The following CD37 variants were observed in gnomAD, a reference collection of about 807,000 sequenced individuals.
CD37 encodes the protein CD37 molecule.
CD37 carries 37 observed loss-of-function variants against 38.9 expected under a neutral mutation model. The ratio of observed to expected loss-of-function variants is 0.95; its 90% CI spans 0.73 to 1.25. The LOEUF (loss-of-function observed/expected upper bound fraction) is 1.25, where lower values mean the gene tolerates loss of function less well. Among genes scored for constraint, CD37 ranks in the 50% most tolerant of loss-of-function variants. The pLI is 0.00. For synonymous variants in CD37, 146 were observed against 150.1 expected (o/e 0.97, Z 0.20); for missense variants, 351 against 360.1 (o/e 0.97, Z 0.20).
At chr19:49,337,836 G>A (rs1280768793) in intron 4 of CD37, 89 bp from the exon 5 acceptor site, 1 of 1,588,586 alleles carries the variant, frequency 6.3e-7, no homozygotes, top group African/African-American at 1.3e-5. Context: ...GCCCAGAGAT[G>A]CACAGGGCCC....
intron 4 of CD37, 93 bp from the exon 5 acceptor site, chr19:49,337,832 A>G: frequency 6.3e-6 from 10 of 1,587,006 alleles, no homozygotes; most frequent in Non-Finnish European, 7.7e-6. Flanking sequence ...ACTGGCCCAG[A>G]GATGCACAGG....
chr19:49,340,502 G>A lies in CD37; in HGVS notation c.*174G>A, dbSNP rs80061951. 7.4e-3 allele frequency: 4,775 copies of A among 648,456 alleles called. 102 individuals are homozygous for A. Among genetic ancestry groups the A allele is most frequent in the African/African-American group, 0.053 (2,994 of 56,144 alleles). 40.2% of individuals were successfully genotyped at this position (648,456 alleles called of 1,614,324 possible). ...TGCTGTCACCTCTCCCACGGGACCT[G>A]GGGCTTTCGTCCACAGCTTCCTGTC... On this transcript the variant is annotated 3_prime_UTR_variant, in exon 8 of 8. Transcript: ENST00000323906.
rs756651146 is a variant in CD37 at position 49,340,128 on chromosome 19, C to T, written c.769-123C>T. The T allele has an allele frequency of 3.9e-6, 6 of 1,537,782 alleles. No individual in the cohort carries two copies. In the South Asian group the frequency reaches 5.7e-5, roughly 15 times the overall value. On this transcript the variant is annotated intron_variant, in intron 7 of 7. Transcript: ENST00000323906. ...AGCCCCGCCCTTTTCTACCTATCCC[C>T]TTCTCCAGCCCCTTCCCGCCCAATT...
chr19:49,339,335 C>T lies in CD37; in HGVS notation c.690C>T (p.Cys230=), dbSNP rs1414697608. ...CTTTTCCCTACACCCCCCAGGGCTGCGCGCAGGGCCTCCAGAAGTGGCTGC... is the reference window on the plus strand; with the variant it reads ...CTTTTCCCTACACCCCCCAGGGCTGTGCGCAGGGCCTCCAGAAGTGGCTGC... The part of the protein sequence containing the change: ...PAESHIYREG[C]AQGLQKWLHN... Residue 230 remains cysteine (C), a synonymous_variant, in exon 7 of 8, where the codon TGC becomes TGT. Transcript: ENST00000323906. This position sits in a 1 kb window ranked among gnomAD's most constrained non-coding sequence, Gnocchi z 4.5. 13 of 1,613,594 alleles carry T rather than the reference C, an allele frequency of 8.1e-6. No individual in the cohort carries two copies. The South Asian group carries it at 1.1e-4, about 14-fold the overall frequency.
Position 49,339,918 on chromosome 19 carries a change from C to T in CD37, c.769-333C>T, listed in dbSNP as rs1270639249. On this transcript the variant is annotated intron_variant, in intron 7 of 7. Transcript: ENST00000323906. The surrounding 1 kb of genome is among the most constrained non-coding windows in gnomAD (Gnocchi z 4.5). ...GGGTTCAAGACGAGGACCAGCCTGA[C>T]ACTGGAAGTGCGGGCGCAGAATTAG... 3 of 1,363,768 alleles carry T rather than the reference C, an allele frequency of 2.2e-6. No homozygotes were observed. Among genetic ancestry groups the T allele is most frequent in the Non-Finnish European group, 9.5e-7 (1 of 1,054,414 alleles). The allele number at this position is 1,363,768 out of a possible 1,614,324, so 84.5% of individuals were successfully genotyped here. A position where few individuals can be genotyped will look rare whatever the true frequency, so the allele number is the denominator to read the frequency against.
In CD37 at chr19:49,335,421, T is replaced by C. The variant is rs887136532; in HGVS notation, c.-120T>C. ...CTGGAACTTCCTCTTTTGGGGTTCT[T>C]CCTTTCTCTCTCAGCTCTCCGTCTC... On this transcript the variant is annotated 5_prime_UTR_variant, in exon 1 of 8. Transcript: ENST00000323906. The surrounding 1 kb of genome is among the most constrained non-coding windows in gnomAD (Gnocchi z 4.6). The C allele has an allele frequency of 2.6e-6, 2 of 780,952 alleles. No individual in the cohort carries two copies. The highest frequency in any genetic ancestry group is 2.4e-5 in the East Asian group (1 of 40,952). The allele number at this position is 780,952 out of a possible 1,614,324, so 48.4% of individuals were successfully genotyped here. A position where few individuals can be genotyped will look rare whatever the true frequency, so the allele number is the denominator to read the frequency against.
rs1488601151 is a variant in CD37, at chr19:49,335,422, CCTTT to C, written c.-116_-113del. ...TGGAACTTCCTCTTTTGGGGTTCTTCCTTTCTCTCTCAGCTCTCCGTCTCTCTTT... is the reference window on the plus strand; with the variant it reads ...TGGAACTTCCTCTTTTGGGGTTCTTCCTCTCTCAGCTCTCCGTCTCTCTTT... On this transcript the variant is annotated 5_prime_UTR_variant, in exon 1 of 8. Coordinates refer to ENST00000323906, the MANE Select transcript of CD37 (RefSeq NM_001774.3). The surrounding 1 kb of genome is among the most constrained non-coding windows in gnomAD (Gnocchi z 4.6). The C allele has an allele frequency of 3.8e-6, 3 of 785,722 alleles. No homozygotes were observed. The highest frequency in any genetic ancestry group is 3.5e-5 in the African/African-American group (2 of 57,888). The allele number at this position is 785,722 out of a possible 1,614,324, so 48.7% of individuals were successfully genotyped here. A position where few individuals can be genotyped will look rare whatever the true frequency, so the allele number is the denominator to read the frequency against.
At position 49,339,253 on chromosome 19, in the gene CD37, T is replaced by C. The variant is rs1971094538; in HGVS notation, c.685-77T>C. On this transcript the variant is annotated intron_variant, in intron 6 of 7. Coordinates refer to ENST00000323906, the MANE Select transcript of CD37 (RefSeq NM_001774.3). This position sits in a 1 kb window ranked among gnomAD's most constrained non-coding sequence, Gnocchi z 4.5. ...GGTAGATGCCTGAAGACGGTGAGGG[T>C]TGGCCTGAAAAGAACGCTGGGCCTG... The C allele has an allele frequency of 1.5e-6, 2 of 1,321,978 alleles. No homozygotes were observed. The highest frequency in any genetic ancestry group is 1.8e-5 in the Admixed American group (1 of 57,086). The allele number at this position is 1,321,978 out of a possible 1,614,324, so 81.9% of individuals were successfully genotyped here.
chr19:49,339,537 CT>C lies in CD37; in HGVS notation c.768+125del. On this transcript the variant is annotated intron_variant, in intron 7 of 7. Coordinates refer to ENST00000323906, the MANE Select transcript of CD37 (RefSeq NM_001774.3). This position sits in a 1 kb window ranked among gnomAD's most constrained non-coding sequence, Gnocchi z 4.5. ...GGGCGGAGCGCAGCCCACCCCGGCCCTCCCGCCGCTCCACCCAGCACCGGAG... is the reference window on the plus strand; with the variant it reads ...GGGCGGAGCGCAGCCCACCCCGGCCCCCCGCCGCTCCACCCAGCACCGGAG... The C allele has an allele frequency of 6.8e-7, 1 of 1,469,288 alleles. No individual in the cohort carries two copies. The highest frequency in any genetic ancestry group is 9.1e-7 in the Non-Finnish European group (1 of 1,094,552). 91.0% of individuals were successfully genotyped at this position (1,469,288 alleles called of 1,614,324 possible). A position where few individuals can be genotyped will look rare whatever the true frequency, so the allele number is the denominator to read the frequency against.
intron 7 of CD37, 97 bp from the exon 8 acceptor site, chr19:49,340,151 ATTC>A: frequency 7.3e-6 from 11 of 1,511,312 alleles, no homozygotes; most frequent in East Asian, 2.3e-5. Context: ...TTCCCGCCCA[ATTC>A]ACGGCCCCAC....
In CD37 at chr19:49,339,846, G is replaced by A; in HGVS notation, c.769-405G>A. The A allele has an allele frequency of 7.5e-7, 1 of 1,331,770 alleles. No homozygotes were observed. Among genetic ancestry groups the A allele is most frequent in the South Asian group, 1.7e-5 (1 of 60,240 alleles). The allele number at this position is 1,331,770 out of a possible 1,614,324, so 82.5% of individuals were successfully genotyped here. ...GTGCCTGCCCCAACTGGGGAGACAA[G>A]GCACCGCAGGGCAAGCTGCCCATGG... is the stretch of plus-strand genomic sequence containing the variant. On this transcript the variant is annotated intron_variant, in intron 7 of 7. Coordinates refer to ENST00000323906, the MANE Select transcript of CD37 (RefSeq NM_001774.3). This position sits in a 1 kb window ranked among gnomAD's most constrained non-coding sequence, Gnocchi z 4.5.
Position 49,338,040 on chromosome 19 carries a change from C to T in CD37, c.447+11C>T, listed in dbSNP as rs769983912. The T allele has an allele frequency of 2.5e-6, 4 of 1,613,046 alleles. No individual in the cohort carries two copies. The highest frequency in any genetic ancestry group is 1.1e-5 in the South Asian group (1 of 90,996). On this transcript the variant is annotated intron_variant, in intron 5 of 7. Coordinates refer to ENST00000323906, the MANE Select transcript of CD37 (RefSeq NM_001774.3). The surrounding 1 kb of genome is among the most constrained non-coding windows in gnomAD (Gnocchi z 5.0). ...TATGTGCAGTTCCAGGTAAGCCCCCCTCCTCCAGTTCCCTCCCGGACTGAC... is the reference window on the plus strand; with the variant it reads ...TATGTGCAGTTCCAGGTAAGCCCCCTTCCTCCAGTTCCCTCCCGGACTGAC...
Position 49,339,040 on chromosome 19 carries a change from A to G in CD37, c.684+104A>G. On this transcript the variant is annotated intron_variant, in intron 6 of 7. Transcript: ENST00000323906. The surrounding 1 kb of genome is among the most constrained non-coding windows in gnomAD (Gnocchi z 4.5). Reference sequence around the variant, plus strand: ...CCTGAGAAAGGGCGGGGTCTACGAGAAAAGGAAAGGTACGGCAGGAGGGGC... The same window carrying G: ...CCTGAGAAAGGGCGGGGTCTACGAGGAAAGGAAAGGTACGGCAGGAGGGGC... The G allele has an allele frequency of 1.0e-6, 1 of 974,308 alleles. No individual in the cohort carries two copies. Among genetic ancestry groups the G allele is most frequent in the Non-Finnish European group, 1.6e-6 (1 of 634,752 alleles). The allele number at this position is 974,308 out of a possible 1,614,324, so 60.4% of individuals were successfully genotyped here. A position where few individuals can be genotyped will look rare whatever the true frequency, so the allele number is the denominator to read the frequency against.
chr19:49,336,979 C>T lies in CD37; in HGVS notation c.213C>T (p.Ile71=), dbSNP rs780073603. The part of the protein sequence containing the change: ...LAISGIFTMG[I]ALLGCVGALK... ...TCTCAGGAATCTTCACCATGGGCAT[C>T]GCCCTCCTGGGTTGTGTGGGGGCCC... Residue 71 remains isoleucine (I), a synonymous_variant, in exon 3 of 8, where the codon ATC becomes ATT. Coordinates refer to ENST00000323906, the MANE Select transcript of CD37 (RefSeq NM_001774.3). The T allele has an allele frequency of 6.2e-6, 10 of 1,614,074 alleles. No individual in the cohort carries two copies. The East Asian group carries it at 6.7e-5, about 11-fold the overall frequency.
In CD37 at chr19:49,339,303, CCTTTAA is replaced by C; in HGVS notation, c.685-22_685-17del. ...GGGCTTGAGAGTCCCAGAAAGAATC[CCTTTAA>C]CTTTTCCCTACACCCCCCAGGGCTG... On this transcript the variant is annotated intron_variant, in intron 6 of 7. Coordinates refer to ENST00000323906, the MANE Select transcript of CD37 (RefSeq NM_001774.3). The surrounding 1 kb of genome is among the most constrained non-coding windows in gnomAD (Gnocchi z 4.5). The C allele has an allele frequency of 6.3e-7, 1 of 1,599,962 alleles. No individual in the cohort carries two copies. Among genetic ancestry groups the C allele is most frequent in the African/African-American group, 1.3e-5 (1 of 74,672 alleles).
Position 49,335,560 on chromosome 19 carries a change from G to A in CD37, c.20G>A (p.Cys7Tyr), listed in dbSNP as rs1970918948. The change falls in exon 1 of 8, where the codon TGC becomes TAC. Residue 7 changes from cysteine to tyrosine, a missense_variant. Transcript: ENST00000323906. This position sits in a 1 kb window ranked among gnomAD's most constrained non-coding sequence, Gnocchi z 4.6. ...GTGAAGATGTCAGCCCAGGAGAGCT[G>A]CCTCAGCCTCATCAAGTACTTCCTC... MSAQES[C>Y]LSLIKYFLFV... 6.2e-7 allele frequency: 1 copy of A among 1,613,992 alleles called. No homozygotes were observed.
At chr19:49,337,092 G>A in intron 3 of CD37, 55 bp from the exon 4 acceptor site, 1 of 1,614,038 alleles carries the variant, frequency 6.2e-7, no homozygotes, top group Non-Finnish European at 8.5e-7. Context: ...CTCAAAAATG[G>A]CCTGGGCCGG....
At chr19:49,340,102 G>A (rs1971159466) in intron 7 of CD37, 149 bp from the exon 8 acceptor site, 1 of 1,533,604 alleles carries the variant, frequency 6.5e-7, no homozygotes, top group Non-Finnish European at 8.8e-7. Flanking sequence ...AGTTCCCGTC[G>A]AGCCCCGCCC....
At position 49,339,323 on chromosome 19, in the gene CD37, C is replaced by A; in HGVS notation, c.685-7C>A. ...GAATCCCTTTAACTTTTCCCTACACCCCCCAGGGCTGCGCGCAGGGCCTCC... is the reference window on the plus strand; with the variant it reads ...GAATCCCTTTAACTTTTCCCTACACACCCCAGGGCTGCGCGCAGGGCCTCC... On this transcript the variant is annotated splice_region_variant and splice_polypyrimidine_tract_variant and intron_variant, in intron 6 of 7. Coordinates refer to ENST00000323906, the MANE Select transcript of CD37 (RefSeq NM_001774.3). The surrounding 1 kb of genome is among the most constrained non-coding windows in gnomAD (Gnocchi z 4.5). 6.2e-7 allele frequency: 1 copy of A among 1,612,554 alleles called. No individual in the cohort carries two copies. The highest frequency in any genetic ancestry group is 8.5e-7 in the Non-Finnish European group (1 of 1,179,002).
Sources: allele counts gnomAD v4.1 joint callset, GRCh38; gene constraint gnomAD v4.1.1; non-coding constraint Gnocchi (gnomAD v3.1); transcripts MANE v1.5; gene names NCBI Gene and HGNC (gene_info 2026-07-23, HGNC 2026-07-21).